Variants in SLC67A1 observed in about 807,000 individuals in gnomAD.
SLC67A1 encodes solute carrier family 67 member 1, also known as solute carrier family 67 member A1.
the SLC67A1 span, chr11:2,909,412 G>A: frequency 1.4e-6 from 2 of 1,481,212 alleles, no homozygotes; most frequent in South Asian, 1.3e-5. Context: ...AGCCTGCGGA[G>A]GACCCGGGAC....
At chr11:2,909,488 C>A in the SLC67A1 span, 4 of 825,934 alleles carry the variant, frequency 4.8e-6, no homozygotes, top group Non-Finnish European at 5.9e-6. Flanking sequence ...TGGGGGGCGA[C>A]GTGGGGCGTG....
chr11:2,923,664 G>A, the SLC67A1 span, among the ~76,000 whole-genome samples: 1 of 152,328 alleles, frequency 6.6e-6, no homozygotes, highest in Admixed American at 6.5e-5. This position sits in a 1 kb window ranked among gnomAD's most constrained non-coding sequence, Gnocchi z 6.5. Flanking sequence ...GGAGGAGGTT[G>A]GGCAGCACTT....
chr11:2,905,816 G>A, the SLC67A1 span, among the ~76,000 whole-genome samples: 2 of 152,230 alleles, frequency 1.3e-5, no homozygotes, highest in African/African-American at 2.4e-5. Context: ...GTAACAGGAT[G>A]TGAGCATGCT....
At chr11:2,909,632 T>C in the SLC67A1 span, 8 of 1,533,780 alleles carry the variant, frequency 5.2e-6, no homozygotes, top group South Asian at 8.4e-5. Flanking sequence ...CCCGCGGCCC[T>C]GGGCCGGCTG....
the SLC67A1 span, among the ~76,000 whole-genome samples, chr11:2,905,668 C>T: frequency 6.6e-6 from 1 of 152,110 alleles, no homozygotes; most frequent in African/African-American, 2.4e-5. Flanking sequence ...GTATAGTCCC[C>T]TGGGGCCTGC....
chr11:2,916,338 G>A, the SLC67A1 span: 16 of 396,688 alleles, frequency 4.0e-5, no homozygotes, highest in East Asian at 6.4e-4. Context: ...TGCCCCAGGC[G>A]CTCACCAGCC....
At chr11:2,921,064 C>CAAAAAAAAAAA in the SLC67A1 span, 1 of 132,552 alleles carries the variant, frequency 7.5e-6, no homozygotes, top group Non-Finnish European at 1.6e-5. Context: ...ACCAAAAATA[C>CAAAAAAAAAAA]AAAAAAAAAA....
chr11:2,914,003 C>T, the SLC67A1 span, among the ~76,000 whole-genome samples: 16 of 137,600 alleles, frequency 1.2e-4, no homozygotes, highest in African/African-American at 4.2e-4. Flanking sequence ...CCAGAGGGGC[C>T]CCAGAACAGT....
At chr11:2,901,548 G>C in the SLC67A1 span, among the ~76,000 whole-genome samples, 2 of 152,264 alleles carry the variant, frequency 1.3e-5, no homozygotes, top group Admixed American at 6.5e-5. Context: ...ATGGTGCCCA[G>C]GCCAAGGGCA....
At chr11:2,922,894 C>T in the SLC67A1 span, among the ~76,000 whole-genome samples, 1 of 152,200 alleles carries the variant, frequency 6.6e-6, no homozygotes, top group Non-Finnish European at 1.5e-5. Flanking sequence ...CCGGGGACTT[C>T]TGGGCCCTCC....
the SLC67A1 span, chr11:2,919,592 C>T: frequency 1.2e-5 from 7 of 589,050 alleles, no homozygotes; most frequent in East Asian, 1.7e-4. Context: ...CAGTGGTGGG[C>T]ACGCTGTGAG....
the SLC67A1 span, chr11:2,924,969 G>A: frequency 2.6e-6 from 4 of 1,555,412 alleles, no homozygotes; most frequent in Non-Finnish European, 3.5e-6. The surrounding 1 kb of genome is among the most constrained non-coding windows in gnomAD (Gnocchi z 8.6). Flanking sequence ...AGTTGGCCCA[G>A]GGAGCTGCCC....
At chr11:2,919,682 C>T in the SLC67A1 span, 1 of 508,846 alleles carries the variant, frequency 2.0e-6, no homozygotes. Flanking sequence ...GTGACCAGAG[C>T]AAGTCTCCCA....
the SLC67A1 span, chr11:2,916,871 T>G: frequency 2.7e-6 from 2 of 737,202 alleles, no homozygotes; most frequent in African/African-American, 3.5e-5. Context: ...CCTCCTGCCT[T>G]CCTTGAACCC....
the SLC67A1 span, among the ~76,000 whole-genome samples, chr11:2,900,836 AGCGAGGG>A: frequency 6.6e-6 from 1 of 152,186 alleles, no homozygotes; most frequent in Non-Finnish European, 1.5e-5. Flanking sequence ...GGGGAAGCGC[AGCGAGGG>A]CTGTTGGTCT....
the SLC67A1 span, among the ~76,000 whole-genome samples, chr11:2,908,998 C>T: frequency 6.6e-6 from 1 of 152,236 alleles, no homozygotes; most frequent in African/African-American, 2.4e-5. Flanking sequence ...GCTGTCTGCG[C>T]ACAGCCCCAC....
chr11:2,916,830 G>A, the SLC67A1 span: 2 of 1,109,392 alleles, frequency 1.8e-6, no homozygotes, highest in Non-Finnish European at 1.4e-6. Flanking sequence ...GGTACGGGGG[G>A]CCTGAGGGGA....
At chr11:2,900,696 A>AAAAAAAAAAAC in the SLC67A1 span, among the ~76,000 whole-genome samples, 1 of 142,566 alleles carries the variant, frequency 7.0e-6, no homozygotes, top group Non-Finnish European at 1.6e-5. Context: ...CCGTCTCAAA[A>AAAAAAAAAAAC]AAAAAAAAAA....
chr11:2,900,964 T>C, the SLC67A1 span, among the ~76,000 whole-genome samples: 2 of 152,188 alleles, frequency 1.3e-5, no homozygotes, highest in African/African-American at 4.8e-5. Context: ...AGATAATTTA[T>C]GGCCAGCTTC....
Sources: allele counts gnomAD v4.1 joint callset (sites outside exome capture counted in the v4.1 genomes callset), GRCh38; gene constraint gnomAD v4.1.1; non-coding constraint Gnocchi (gnomAD v3.1); transcripts MANE v1.5; gene names NCBI Gene and HGNC (gene_info 2026-07-23, HGNC 2026-07-21).